MATCAP2: variants seen among roughly 807,000 people sequenced by gnomAD.
MATCAP2 encodes the protein microtubule associated tyrosine carboxypeptidase 2.
chr7:36,375,633 C>T, the MATCAP2 span, among the ~76,000 whole-genome samples: 3 of 152,094 alleles, frequency 2.0e-5, no homozygotes, highest in Admixed American at 1.3e-4. Flanking sequence ...CCCTCTTTTT[C>T]TATTGATTGG....
At chr7:36,343,306 G>T in the MATCAP2 span, among the ~76,000 whole-genome samples, 1 of 137,356 alleles carries the variant, frequency 7.3e-6, no homozygotes, top group Non-Finnish European at 1.5e-5. Flanking sequence ...AGACCAGCCT[G>T]GTCAATATAA....
chr7:36,329,947 T>C, the MATCAP2 span, among the ~76,000 whole-genome samples: 3 of 152,212 alleles, frequency 2.0e-5, no homozygotes, highest in East Asian at 5.8e-4. Context: ...ATCACTTATG[T>C]AGTATTCTTG....
chr7:36,336,342 C>A, the MATCAP2 span: 1 of 1,341,686 alleles, frequency 7.5e-7, no homozygotes, highest in Non-Finnish European at 1.0e-6. Context: ...CCTCATATTA[C>A]TTTGAGATGT....
chr7:36,366,836 C>T, the MATCAP2 span: 13 of 1,514,732 alleles, frequency 8.6e-6, no homozygotes, highest in Non-Finnish European at 1.1e-5. Flanking sequence ...CAGCCGGTGG[C>T]TACCATTACC....
At chr7:36,352,460 C>A in the MATCAP2 span, among the ~76,000 whole-genome samples, 2 of 145,484 alleles carry the variant, frequency 1.4e-5, no homozygotes, top group Non-Finnish European at 3.0e-5. Flanking sequence ...CTTACTGCAA[C>A]TATACTGTTT....
the MATCAP2 span, chr7:36,326,929 G>A: frequency 6.3e-7 from 1 of 1,596,938 alleles, no homozygotes; most frequent in East Asian, 2.2e-5. Flanking sequence ...CTGAAAAAAA[G>A]GAAGATGAGT....
the MATCAP2 span, among the ~76,000 whole-genome samples, chr7:36,328,122 G>A: frequency 1.3e-5 from 2 of 151,542 alleles, no homozygotes; most frequent in Non-Finnish European, 2.9e-5. Flanking sequence ...TAGCAGGAGT[G>A]CAGTGATGCA....
At chr7:36,361,516 C>T in the MATCAP2 span, among the ~76,000 whole-genome samples, 1 of 152,160 alleles carries the variant, frequency 6.6e-6, no homozygotes, top group Non-Finnish European at 1.5e-5. Context: ...TACTTCATTA[C>T]AAACAAAAGA....
chr7:36,342,195 T>C, the MATCAP2 span, among the ~76,000 whole-genome samples: 1 of 150,646 alleles, frequency 6.6e-6, no homozygotes, highest in East Asian at 2.0e-4. Flanking sequence ...TTTTTTTTTT[T>C]CTGAGATGGA....
At chr7:36,384,980 T>C in the MATCAP2 span, among the ~76,000 whole-genome samples, 2 of 152,130 alleles carry the variant, frequency 1.3e-5, no homozygotes. Flanking sequence ...TTATTGGATA[T>C]CATTTTAATT....
the MATCAP2 span, among the ~76,000 whole-genome samples, chr7:36,374,080 T>A: frequency 6.6e-5 from 10 of 151,954 alleles, no homozygotes; most frequent in Non-Finnish European, 1.2e-4. Flanking sequence ...CCATTTTATT[T>A]TATATATATA....
At chr7:36,374,255 T>C in the MATCAP2 span, among the ~76,000 whole-genome samples, 3 of 151,832 alleles carry the variant, frequency 2.0e-5, no homozygotes, top group African/African-American at 7.3e-5. Context: ...ACTTTTTTTT[T>C]TTTTTGTAGA....
At chr7:36,335,293 C>T in the MATCAP2 span, 1,100 of 933,812 alleles carry the variant, frequency 1.2e-3, 9 homozygotes, top group African/African-American at 0.016. Flanking sequence ...TTTATAACCA[C>T]CTTAAATCTC....
chr7:36,364,376 A>G, the MATCAP2 span, among the ~76,000 whole-genome samples: 11 of 152,200 alleles, frequency 7.2e-5, no homozygotes, highest in African/African-American at 2.2e-4. Flanking sequence ...AGTGTGAGCC[A>G]CTGCACCCAG....
At chr7:36,366,852 C>T in the MATCAP2 span, 2 of 1,504,316 alleles carry the variant, frequency 1.3e-6, no homozygotes, top group East Asian at 2.6e-5. Flanking sequence ...TTACCTGAGC[C>T]CCGGGCGGCG....
the MATCAP2 span, chr7:36,356,748 C>A: frequency 5.9e-6 from 4 of 682,488 alleles, no homozygotes; most frequent in South Asian, 5.2e-5. Context: ...AGGTAATACT[C>A]GTCTTGTCGC....
chr7:36,363,252 T>C, the MATCAP2 span, among the ~76,000 whole-genome samples: 1 of 152,192 alleles, frequency 6.6e-6, no homozygotes, highest in Admixed American at 6.5e-5. Context: ...AAGACTTTCA[T>C]TTCCAGTATT....
chr7:36,350,529 T>C, the MATCAP2 span, among the ~76,000 whole-genome samples: 9 of 91,606 alleles, frequency 9.8e-5, 2 homozygotes, highest in African/African-American at 3.7e-4. Flanking sequence ...ACGGACTGTG[T>C]TCCTTTTTTT....
At chr7:36,339,822 A>C in the MATCAP2 span, among the ~76,000 whole-genome samples, 2 of 152,214 alleles carry the variant, frequency 1.3e-5, no homozygotes, top group East Asian at 1.9e-4. Context: ...AAGAAGTATT[A>C]TGATTTCTGC....
Sources: allele counts gnomAD v4.1 joint callset (sites outside exome capture counted in the v4.1 genomes callset), GRCh38; gene constraint gnomAD v4.1.1; transcripts MANE v1.5; gene names NCBI Gene and HGNC (gene_info 2026-07-23, HGNC 2026-07-21).